Variants in SPECC1L observed in about 807,000 individuals in gnomAD.
The protein encoded by SPECC1L is cytospin-A.
SPECC1L carries 40 observed loss-of-function variants against 116.8 expected under a neutral mutation model. The observed-to-expected ratio is 0.34, with a 90% CI of 0.27 to 0.45. The LOEUF is 0.45. Ranked by LOEUF, SPECC1L falls within the 20% of genes least tolerant of loss-of-function variation. SPECC1L has a pLI of 1.00. For missense variants in SPECC1L, 1,110 were observed against 1,373.6 expected (o/e 0.81, Z 3.03); for synonymous variants, 504 against 500.6 (o/e 1.01, Z -0.09).
In SPECC1L at chr22:24,414,972, G is replaced by C. The variant is rs1039481371; in HGVS notation, c.*349G>C. The C allele has an allele frequency of 3.0e-6, 1 of 328,252 alleles. No homozygotes were observed. Among genetic ancestry groups the C allele is most frequent in the African/African-American group, 2.1e-5 (1 of 47,234 alleles). 20.3% of individuals were successfully genotyped at this position (328,252 alleles called of 1,614,324 possible). A position where few individuals can be genotyped will look rare whatever the true frequency, so the allele number is the denominator to read the frequency against. ...TCATGCACAGCTGAATTTGGGAAAA[G>C]GGATTCAGTTCTGTGGGAAACTCAC... On this transcript the variant is annotated 3_prime_UTR_variant, in exon 17 of 17. Coordinates refer to ENST00000314328, the MANE Select transcript of SPECC1L (RefSeq NM_015330.6).
intron 2 of SPECC1L, among the ~76,000 whole-genome samples, chr22:24,293,058 G>A (rs1447823746): frequency 6.6e-6 from 1 of 152,160 alleles, no homozygotes; most frequent in Non-Finnish European, 1.5e-5. Context: ...GCTGTAGTGT[G>A]CTATGATAGA....
chr22:24,384,970 A>G (rs1337219841), intron 14 of SPECC1L, among the ~76,000 whole-genome samples: 3 of 151,790 alleles, frequency 2.0e-5, no homozygotes, highest in Non-Finnish European at 4.4e-5. Context: ...AGGCTGAGGC[A>G]GGAGAATGGC....
rs746304727 is a variant in SPECC1L, at chr22:24,365,581, TG to T, written c.2934del (p.Ser979ProfsTer8). 1 of 1,614,198 alleles carries T rather than the reference TG, an allele frequency of 6.2e-7. No individual in the cohort carries two copies. Among genetic ancestry groups the T allele is most frequent in the South Asian group, 1.1e-5 (1 of 91,084 alleles). On this transcript the variant is annotated frameshift_variant, in exon 13 of 17. Transcript: ENST00000314328. LOFTEE classifies it high-confidence loss of function. Reference protein sequence around the residue: ...AMGTTSPQLSLSSSPTASVTP... With the variant: ...AMGTTSPQLSXSSSPTASVTP... The stretch of plus-strand genomic sequence containing the variant: ...GGAACCACGTCTCCACAGCTTTCCC[TG>T]TCCTCTTCTCCAACGGCATCTGTGA...
chr22:24,363,112 C>T, intron 11 of SPECC1L, 149 bp from the exon 12 acceptor site: 3 of 731,068 alleles, frequency 4.1e-6, no homozygotes, highest in Middle Eastern at 2.3e-4. Flanking sequence ...TTTGGATAAA[C>T]AGACTATGGG....
Position 24,316,735 on chromosome 22 carries a change from C to T in SPECC1L, c.307+3269C>T, listed in dbSNP as rs796670170. On this transcript the variant is annotated intron_variant, in intron 4 of 16. Transcript: ENST00000314328. ...CTCAATCTTTTCCCCACCTTTCCCC[C>T]CTTTCTATTCCACAAAACCACCATT... Among the ~76,000 whole-genome samples the T allele has an allele frequency of 4.7e-5, 7 of 149,790 alleles. No individual in the cohort carries two copies. The South Asian group carries it at 8.8e-4, about 19-fold the overall frequency.
At chr22:24,399,318 C>A (rs1298672233) in intron 14 of SPECC1L, among the ~76,000 whole-genome samples, 1 of 152,230 alleles carries the variant, frequency 6.6e-6, no homozygotes, top group Non-Finnish European at 1.5e-5. Flanking sequence ...CGCCTGTAAT[C>A]CCAGCACTTT....
chr22:24,354,403 T>G (rs1451932806), intron 11 of SPECC1L, among the ~76,000 whole-genome samples: 1 of 152,244 alleles, frequency 6.6e-6, no homozygotes, highest in Non-Finnish European at 1.5e-5. Flanking sequence ...TGTATTATTC[T>G]ATTGACATCA....
chr22:24,367,423 A>AT (rs60939564), intron 13 of SPECC1L, among the ~76,000 whole-genome samples: 3,999 of 145,108 alleles, frequency 0.028, 123 homozygotes, highest in African/African-American at 0.08. Flanking sequence ...ATATTATGAG[A>AT]TTTTTTTTTT....
intron 14 of SPECC1L, among the ~76,000 whole-genome samples, chr22:24,385,953 T>C (rs1297879141): frequency 2.0e-5 from 3 of 152,202 alleles, no homozygotes; most frequent in African/African-American, 7.2e-5. Flanking sequence ...TTCCTTCTAA[T>C]TGGCCACAGT....
intron 14 of SPECC1L, among the ~76,000 whole-genome samples, chr22:24,374,214 C>T (rs8139087): frequency 0.036 from 5,476 of 151,856 alleles, 283 homozygotes; most frequent in South Asian, 0.11. Flanking sequence ...GTCAGTGTGG[C>T]GATTCCTCAG....
chr22:24,323,187 T>C, intron 5 of SPECC1L: 1 of 829,890 alleles, frequency 1.2e-6, no homozygotes. Flanking sequence ...AACCAGAATT[T>C]GTCCCTAGTT....
intron 11 of SPECC1L, among the ~76,000 whole-genome samples, chr22:24,362,281 T>C (rs147153937): frequency 1.2e-4 from 19 of 152,200 alleles, no homozygotes; most frequent in African/African-American, 4.1e-4. Flanking sequence ...GGGGAAGTGA[T>C]GTTCAACTGA....
chr22:24,328,437 C>A (rs1220044964), intron 6 of SPECC1L, among the ~76,000 whole-genome samples: 2 of 152,004 alleles, frequency 1.3e-5, no homozygotes, highest in African/African-American at 4.8e-5. Context: ...CACTTCTTTT[C>A]TGGAATTTAT....
chr22:24,291,418 G>C (rs1601504226), intron 2 of SPECC1L, among the ~76,000 whole-genome samples: 1 of 152,064 alleles, frequency 6.6e-6, no homozygotes, highest in East Asian at 1.9e-4. Flanking sequence ...TCCATACTAT[G>C]TATTTTCATA....
intron 11 of SPECC1L, among the ~76,000 whole-genome samples, chr22:24,348,010 A>G (rs1327334212): frequency 6.6e-6 from 1 of 152,158 alleles, no homozygotes; most frequent in Non-Finnish European, 1.5e-5. Flanking sequence ...GGCTGGCACC[A>G]GAACCCAAGT....
At chr22:24,362,893 T>C (rs1472281798) in intron 11 of SPECC1L, among the ~76,000 whole-genome samples, 2 of 152,258 alleles carry the variant, frequency 1.3e-5, no homozygotes, top group Non-Finnish European at 2.9e-5. Flanking sequence ...GCTTCCACAC[T>C]AACTGTAGGC....
intron 3 of SPECC1L, among the ~76,000 whole-genome samples, chr22:24,305,711 G>A (rs79854092): frequency 0.025 from 3,749 of 152,188 alleles, 181 homozygotes; most frequent in African/African-American, 0.086. Context: ...TTACTGGACC[G>A]TAGAGTATAC....
chr22:24,334,600 T>C, intron 9 of SPECC1L, 27 bp downstream of exon 9: 1 of 1,612,694 alleles, frequency 6.2e-7, no homozygotes, highest in Non-Finnish European at 8.5e-7. Context: ...ACATTGTGCC[T>C]ACTGCATGCG....
At chr22:24,340,863 G>A (rs1411691035) in intron 10 of SPECC1L, among the ~76,000 whole-genome samples, 4 of 152,118 alleles carry the variant, frequency 2.6e-5, no homozygotes, top group Non-Finnish European at 5.9e-5. Flanking sequence ...CCCTGGGTAG[G>A]AATTCTACTT....
Sources: gnomAD v4.1 joint callset for allele counts (sites outside exome capture counted in the v4.1 genomes callset) on GRCh38, gnomAD v4.1.1 for gene constraint, MANE v1.5 for transcripts, NCBI Gene and HGNC (gene_info 2026-07-23, HGNC 2026-07-21) for gene names.